The following CCR9 variants were observed in gnomAD, a reference collection of about 807,000 sequenced individuals.
The protein encoded by CCR9 is C-C motif chemokine receptor 9.
A neutral mutation model predicts 8.7 loss-of-function variants in CCR9; 4 were observed. The observed-to-expected ratio is 0.46, with a 90% confidence interval of 0.23 to 1.06. The LOEUF is 1.06. Ranked by LOEUF, CCR9 falls within the 50% of genes least tolerant of loss-of-function variation. The pLI is 0.21. For missense variants in CCR9, 394 were observed against 453.6 expected (o/e 0.87, Z 1.19); for synonymous variants, 159 against 168.8 (o/e 0.94, Z 0.45).
rs1702608485 is a variant in CCR9 at position 45,903,080 on chromosome 3, T to A, written c.*1182T>A. 6.0e-6 allele frequency: 1 copy of A among 167,156 alleles called. No homozygotes were observed. The highest frequency in any genetic ancestry group is 2.1e-4 in the South Asian group (1 of 4,836). 10.4% of individuals were successfully genotyped at this position (167,156 alleles called of 1,614,324 possible). On this transcript the variant is annotated 3_prime_UTR_variant, in exon 3 of 3. Coordinates refer to ENST00000357632, the MANE Select transcript of CCR9 (RefSeq NM_031200.3). ...AATATTTCACATATTGGAAAAGTGC[T>A]TTTTAATGTGTATATGAAGCATTAA...
At chr3:45,891,724 G>T (rs139457074) in intron 1 of CCR9, among the ~76,000 whole-genome samples, 65 of 152,082 alleles carry the variant, frequency 4.3e-4, no homozygotes, top group African/African-American at 1.5e-3. Flanking sequence ...CCAAATCCAG[G>T]TTCTTGCCTT....
At position 45,902,375 on chromosome 3, in the gene CCR9, G is replaced by T; in HGVS notation, c.*477G>T. On this transcript the variant is annotated 3_prime_UTR_variant, in exon 3 of 3. Transcript: ENST00000357632. ...AATTTTCTACCCTGCTCTTGAGCCT[G>T]ATAACCCATGCCAGGTCTTATAGAT... 5.9e-6 allele frequency: 1 copy of T among 170,492 alleles called. No individual in the cohort carries two copies. The highest frequency in any genetic ancestry group is 1.4e-5 in the Non-Finnish European group (1 of 70,396). The allele number at this position is 170,492 out of a possible 1,614,324, so 10.6% of individuals were successfully genotyped here. A position where few individuals can be genotyped will look rare whatever the true frequency, so the allele number is the denominator to read the frequency against.
chr3:45,894,992 A>C (rs748297017), intron 2 of CCR9, 38 bp downstream of exon 2: 2 of 1,603,990 alleles, frequency 1.2e-6, no homozygotes, highest in East Asian at 4.5e-5. Flanking sequence ...CTCAAAACAC[A>C]CACTCATCTT....
intron 2 of CCR9, among the ~76,000 whole-genome samples, chr3:45,899,033 G>T (rs1702461364): frequency 6.6e-6 from 1 of 152,180 alleles, no homozygotes; most frequent in African/African-American, 2.4e-5. Flanking sequence ...AGGCATGGTG[G>T]CACACGCCTG....
chr3:45,887,664 C>T (rs1702023888), intron 1 of CCR9, among the ~76,000 whole-genome samples: 1 of 152,242 alleles, frequency 6.6e-6, no homozygotes, highest in Non-Finnish European at 1.5e-5. Context: ...TTTACTATTT[C>T]AGCATCTGGA....
At chr3:45,892,580 G>T (rs894531857) in intron 1 of CCR9, among the ~76,000 whole-genome samples, 1 of 152,026 alleles carries the variant, frequency 6.6e-6, no homozygotes, top group Non-Finnish European at 1.5e-5. Flanking sequence ...GAGGTAGGAG[G>T]GTGAGGATAA....
intron 1 of CCR9, among the ~76,000 whole-genome samples, chr3:45,889,316 T>A (rs1326834669): frequency 2.6e-5 from 4 of 151,508 alleles, no homozygotes; most frequent in South Asian, 2.1e-4. Context: ...AAAAAAAAAA[T>A]AAAGAGAAAC....
chr3:45,897,665 T>C, intron 2 of CCR9: 1 of 1,462,144 alleles, frequency 6.8e-7, no homozygotes, highest in Non-Finnish European at 9.2e-7. Context: ...ATGCTGGCCT[T>C]CCCACCTGCC....
Position 45,902,871 on chromosome 3 carries a change from G to GTTCA in CCR9, c.*973_*974insTTCA, listed in dbSNP as rs1702602840. The GTTCA allele has an allele frequency of 1.2e-5, 2 of 167,030 alleles. No homozygotes were observed. The highest frequency in any genetic ancestry group is 4.8e-5 in the African/African-American group (2 of 41,434). The allele number at this position is 167,030 out of a possible 1,614,324, so 10.3% of individuals were successfully genotyped here. A position where few individuals can be genotyped will look rare whatever the true frequency, so the allele number is the denominator to read the frequency against. ...GGGCAGCAGCCAGGTAGGGCAAAGGGGTGAAGCGCAGGCCTTGCTGGAAGG... is the reference window on the plus strand; with the variant it reads ...GGGCAGCAGCCAGGTAGGGCAAAGGGTTCAGTGAAGCGCAGGCCTTGCTGGAAGG... On this transcript the variant is annotated 3_prime_UTR_variant, in exon 3 of 3. Coordinates refer to ENST00000357632, the MANE Select transcript of CCR9 (RefSeq NM_031200.3).
At chr3:45,899,175 C>G (rs928016214) in intron 2 of CCR9, among the ~76,000 whole-genome samples, 1 of 152,218 alleles carries the variant, frequency 6.6e-6, no homozygotes, top group African/African-American at 2.4e-5. Flanking sequence ...TCAAAACAAA[C>G]AAACAAATAA....
At chr3:45,894,084 T>A (rs1702273488) in intron 1 of CCR9, among the ~76,000 whole-genome samples, 1 of 152,204 alleles carries the variant, frequency 6.6e-6, no homozygotes, top group Non-Finnish European at 1.5e-5. Context: ...ATGCCCCAGC[T>A]CAGGCACAGA....
In CCR9 at chr3:45,901,321, C is replaced by T. The variant is rs1438826504; in HGVS notation, c.533C>T (p.Ala178Val). ...TTTACCATCTGGGTATTGGCAGCTGCTCTCTGCATCCCAGAAATCTTATAC... is the reference window on the plus strand; with the variant it reads ...TTTACCATCTGGGTATTGGCAGCTGTTCTCTGCATCCCAGAAATCTTATAC... ...VCFTIWVLAA[A>V]LCIPEILYSQ... The change falls in exon 3 of 3, where the codon GCT becomes GTT. Residue 178 changes from alanine to valine, a missense_variant. Physicochemically the swap from Ala to Val is moderately conservative, Grantham distance 64. Transcript: ENST00000357632. The surrounding 1 kb of genome is among the most constrained non-coding windows in gnomAD (Gnocchi z 4.3). The T allele has an allele frequency of 1.2e-6, 2 of 1,614,076 alleles. No homozygotes were observed. Among genetic ancestry groups the T allele is most frequent in the African/African-American group, 1.3e-5 (1 of 74,930 alleles).
Position 45,900,929 on chromosome 3 carries a change from G to A in CCR9, c.141G>A (p.Ala47=), listed in dbSNP as rs372974725. ...AGAAAAACAATGTCAGGCAGTTTGC[G>A]AGCCATTTCCTCCCACCCTTGTACT... ...YCEKNNVRQF[A]SHFLPPLYWL... is the part of the protein sequence containing the mutation. Residue 47 remains alanine, a synonymous_variant, in exon 3 of 3, where the codon GCG becomes GCA. Coordinates refer to ENST00000357632, the MANE Select transcript of CCR9 (RefSeq NM_031200.3). This position sits in a 1 kb window ranked among gnomAD's most constrained non-coding sequence, Gnocchi z 4.7. 7.4e-6 allele frequency: 12 copies of A among 1,614,182 alleles called. No individual in the cohort carries two copies. Among genetic ancestry groups the A allele is most frequent in the African/African-American group, 2.7e-5 (2 of 75,044 alleles).
chr3:45,888,554 G>A (rs575273382), intron 1 of CCR9, among the ~76,000 whole-genome samples: 3 of 152,322 alleles, frequency 2.0e-5, no homozygotes, highest in Middle Eastern at 3.4e-3. Flanking sequence ...TCGATGGATG[G>A]CCCATGGCAC....
chr3:45,888,258 T>G (rs1293815088), intron 1 of CCR9, among the ~76,000 whole-genome samples: 6 of 152,172 alleles, frequency 3.9e-5, no homozygotes, highest in Non-Finnish European at 2.9e-5. Flanking sequence ...CCTGGAGCAA[T>G]GTTCCCTCCC....
chr3:45,893,514 T>C (rs1259462217), intron 1 of CCR9, among the ~76,000 whole-genome samples: 1 of 152,242 alleles, frequency 6.6e-6, no homozygotes, highest in Admixed American at 6.5e-5. Context: ...TCCGTCAGTA[T>C]AGATTAGTTT....
intron 2 of CCR9, chr3:45,897,770 C>G (rs1490383999): frequency 3.4e-6 from 2 of 593,856 alleles, no homozygotes; most frequent in South Asian, 2.1e-5. Flanking sequence ...TTCTTTCTTC[C>G]TTGTCTGTCT....
intron 1 of CCR9, among the ~76,000 whole-genome samples, chr3:45,887,251 C>CTGTGTGTGTGTGTG (rs36040178): frequency 6.7e-6 from 1 of 149,114 alleles, no homozygotes; most frequent in Admixed American, 6.7e-5. Context: ...GCGTGTGTGT[C>CTGTGTGTGTGTGTG]TGTGTGTGTG....
rs1394689678 is a variant in CCR9 at position 45,900,970 on chromosome 3, T to G, written c.182T>G (p.Val61Gly). 6.2e-7 allele frequency: 1 copy of G among 1,614,232 alleles called. No individual in the cohort carries two copies. The highest frequency in any genetic ancestry group is 8.5e-7 in the Non-Finnish European group (1 of 1,180,028). ...LPPLYWLVFIVGALGNSLVIL... is the reference protein window; with the variant it reads ...LPPLYWLVFIGGALGNSLVIL... The stretch of plus-strand genomic sequence containing the variant: ...CCCTTGTACTGGCTCGTGTTCATCG[T>G]GGGTGCCTTGGGCAACAGTCTTGTT... Residue 61 changes from valine (V) to glycine (G), a missense_variant, in exon 3 of 3, where the codon GTG (valine) becomes GGG (glycine). By Grantham distance (109) the Val-to-Gly change is moderately radical. Coordinates refer to ENST00000357632, the MANE Select transcript of CCR9 (RefSeq NM_031200.3). This position sits in a 1 kb window ranked among gnomAD's most constrained non-coding sequence, Gnocchi z 4.7.
Sources: gnomAD v4.1 joint callset for allele counts (sites outside exome capture counted in the v4.1 genomes callset) on GRCh38, gnomAD v4.1.1 for gene constraint, Gnocchi (gnomAD v3.1) non-coding constraint, MANE v1.5 for transcripts, NCBI Gene and HGNC (gene_info 2026-07-23, HGNC 2026-07-21) for gene names.